The following UGT1A10 variants were observed in gnomAD, a reference collection of about 807,000 sequenced individuals.
UGT1A10 encodes UDP glucuronosyltransferase family 1 member A10, also known as UDP-glucuronosyltransferase 1A10.
In UGT1A10, 49 loss-of-function variants were observed where a neutral mutation model predicts 45.8. That is an observed-to-expected ratio of 1.07 (90% CI 0.85 to 1.36). UGT1A10 has a LOEUF of 1.36. UGT1A10 is among the 40% of genes most tolerant of loss of function. UGT1A10 has a pLI of 0.00. For synonymous variants in UGT1A10, 284 were observed against 249.7 expected, an observed-to-expected ratio of 1.14 and a Z score of -1.29; for missense variants, 745 against 668.6, an observed-to-expected ratio of 1.11 and a Z score of -1.26.
intron 1 of UGT1A10, among the ~76,000 whole-genome samples, chr2:233,650,215 C>G (rs1392270092): frequency 6.6e-6 from 1 of 152,164 alleles, no homozygotes; most frequent in Non-Finnish European, 1.5e-5. Flanking sequence ...GGTGATCTGC[C>G]TGCCTCGGCC....
intron 1 of UGT1A10, chr2:233,682,681 A>T: frequency 1.9e-6 from 3 of 1,613,858 alleles, no homozygotes; most frequent in Non-Finnish European, 2.5e-6. Context: ...ACAGCCACAC[A>T]TCAATTTGGT....
At chr2:233,650,211 C>T (rs1174714816) in intron 1 of UGT1A10, among the ~76,000 whole-genome samples, 2 of 152,182 alleles carry the variant, frequency 1.3e-5, no homozygotes, top group African/African-American at 4.8e-5. Flanking sequence ...CTCAGGTGAT[C>T]TGCCTGCCTC....
intron 1 of UGT1A10, chr2:233,719,040 T>C (rs1243491139): frequency 6.2e-7 from 1 of 1,614,170 alleles, no homozygotes; most frequent in South Asian, 1.1e-5. Flanking sequence ...AGAAGAGAAA[T>C]TTTTCACCCT....
intron 1 of UGT1A10, chr2:233,682,612 A>C: frequency 3.1e-6 from 5 of 1,613,862 alleles, no homozygotes; most frequent in Non-Finnish European, 4.2e-6. Context: ...ATTTTTTCAA[A>C]AATGTCTTAG....
intron 1 of UGT1A10, chr2:233,747,379 A>G: frequency 1.2e-6 from 2 of 1,605,180 alleles, no homozygotes; most frequent in South Asian, 1.1e-5. Flanking sequence ...GCCAGAGGCC[A>G]CCAGGCGGTG....
intron 1 of UGT1A10, among the ~76,000 whole-genome samples, chr2:233,638,502 A>G (rs1388655477): frequency 6.6e-6 from 1 of 152,214 alleles, no homozygotes; most frequent in African/African-American, 2.4e-5. Flanking sequence ...TGGAGCATAT[A>G]CTTCCAAAAT....
At chr2:233,721,755 T>C in intron 1 of UGT1A10, 1 of 459,594 alleles carries the variant, frequency 2.2e-6, no homozygotes, top group Non-Finnish European at 4.3e-6. Flanking sequence ...AATCTACATC[T>C]AAATTGTTAT....
At chr2:233,654,768 C>A (rs1162657385) in intron 1 of UGT1A10, among the ~76,000 whole-genome samples, 1 of 152,186 alleles carries the variant, frequency 6.6e-6, no homozygotes, top group Non-Finnish European at 1.5e-5. Context: ...GTTTTAGACC[C>A]AGTCCAGTGG....
intron 1 of UGT1A10, among the ~76,000 whole-genome samples, chr2:233,720,407 A>G (rs2076856219): frequency 6.6e-6 from 1 of 152,094 alleles, no homozygotes; most frequent in African/African-American, 2.4e-5. Context: ...AGTGGGTGGA[A>G]GGGACTAGGG....
intron 1 of UGT1A10, chr2:233,721,762 T>C (rs1308091400): frequency 4.2e-6 from 2 of 475,048 alleles, no homozygotes; most frequent in Non-Finnish European, 8.4e-6. Context: ...ATCTAAATTG[T>C]TATATTTAGC....
At chr2:233,654,629 C>A (rs545202576) in intron 1 of UGT1A10, among the ~76,000 whole-genome samples, 22 of 152,190 alleles carry the variant, frequency 1.4e-4, no homozygotes, top group Non-Finnish European at 2.8e-4. Context: ...TGCAAAACTA[C>A]TGATGATTGC....
rs1421333211 is a variant in UGT1A10, at chr2:233,745,618, A to T, written c.856-21416A>T. Among the ~76,000 whole-genome samples, 6 of 151,724 alleles carry T rather than the reference A, an allele frequency of 4.0e-5. No individual in the cohort carries two copies. The East Asian group carries it at 1.2e-3, about 29-fold the overall frequency. ...CTTGGCACTTGGTAAGCACACAATG[A>T]ACAGTCATAGAAAGCTGGCCGAGGG... On this transcript the variant is annotated intron_variant, in intron 1 of 4. Coordinates refer to ENST00000344644, the MANE Select transcript of UGT1A10 (RefSeq NM_019075.4).
chr2:233,676,020 C>T (rs1046214466), intron 1 of UGT1A10, among the ~76,000 whole-genome samples: 1 of 152,150 alleles, frequency 6.6e-6, no homozygotes, highest in Non-Finnish European at 1.5e-5. Context: ...CAGAAATAAA[C>T]CCATACATAT....
At chr2:233,701,304 C>T (rs2075621938) in intron 1 of UGT1A10, among the ~76,000 whole-genome samples, 1 of 152,082 alleles carries the variant, frequency 6.6e-6, no homozygotes, top group African/African-American at 2.4e-5. Context: ...CACTGTCTTC[C>T]ACAATGGTTG....
In UGT1A10 at chr2:233,769,471, G is replaced by T. The variant is rs969663450; in HGVS notation, c.1295+1032G>T. On this transcript the variant is annotated intron_variant, in intron 4 of 4. Coordinates refer to ENST00000344644, the MANE Select transcript of UGT1A10 (RefSeq NM_019075.4). The surrounding 1 kb of genome is among the most constrained non-coding windows in gnomAD (Gnocchi z 4.4). ...CACGTGTGCATTCATATGCGTGTGT[G>T]TGTGTGTGCGTGTGTTTATGAGAGT... The T allele has an allele frequency of 2.5e-6, 4 of 1,609,228 alleles. No homozygotes were observed. The African/African-American group carries it at 5.3e-5, about 21-fold the overall frequency.
intron 1 of UGT1A10, among the ~76,000 whole-genome samples, chr2:233,737,484 A>G (rs561393011): frequency 6.6e-6 from 1 of 152,316 alleles, no homozygotes; most frequent in East Asian, 1.9e-4. Context: ...TGTCTAGGAA[A>G]GGGAAATCCC....
intron 1 of UGT1A10, among the ~76,000 whole-genome samples, chr2:233,704,712 T>C (rs2075804590): frequency 6.6e-6 from 1 of 152,184 alleles, no homozygotes; most frequent in African/African-American, 2.4e-5. Context: ...CTTAGCCCAA[T>C]TTGCCTTTGC....
At chr2:233,653,857 A>G (rs1409507070) in intron 1 of UGT1A10, among the ~76,000 whole-genome samples, 1 of 152,244 alleles carries the variant, frequency 6.6e-6, no homozygotes, top group Non-Finnish European at 1.5e-5. Context: ...TCAGCCTCCC[A>G]AAGTCCTGGG....
intron 1 of UGT1A10, among the ~76,000 whole-genome samples, chr2:233,665,146 C>T (rs2074046793): frequency 6.6e-6 from 1 of 152,144 alleles, no homozygotes; most frequent in Non-Finnish European, 1.5e-5. Context: ...CTTTACTTTG[C>T]ATTTTTCATT....
Sources: gnomAD v4.1 joint callset for allele counts (sites outside exome capture counted in the v4.1 genomes callset) on GRCh38, gnomAD v4.1.1 for gene constraint, Gnocchi (gnomAD v3.1) non-coding constraint, MANE v1.5 for transcripts, NCBI Gene and HGNC (gene_info 2026-07-23, HGNC 2026-07-21) for gene names.